The following LRRC53 variants were observed in gnomAD, a reference collection of about 807,000 sequenced individuals.
LRRC53 encodes leucine rich repeat containing 53.
LRRC53 carries 25 observed loss-of-function variants against 13.6 expected under a neutral mutation model. The ratio of observed to expected loss-of-function variants is 1.83; its 90% confidence interval spans 1.34 to 2.56. The LOEUF (loss-of-function observed/expected upper bound fraction) is 2.56, where lower values mean the gene tolerates loss of function less well. Ranked by LOEUF, LRRC53 falls within the 30% of genes most tolerant of loss-of-function variation. The probability of loss-of-function intolerance (pLI) is 0.00; values close to 1 mark genes in which losing one functional copy is unlikely to be tolerated. For missense variants in LRRC53, 527 were observed against 275.8 expected (o/e 1.91, Z -6.45); for synonymous variants, 204 against 109.8 (o/e 1.86, Z -5.37).
chr1:74,511,490 G>A (rs1218474425), intron 1 of LRRC53, among the ~76,000 whole-genome samples: 2 of 152,104 alleles, frequency 1.3e-5, no homozygotes, highest in Non-Finnish European at 2.9e-5. Context: ...CTTACAGGTG[G>A]AAAACACAAA....
At chr1:74,491,945 T>C (rs45510492) in intron 1 of LRRC53, 14 of 1,219,786 alleles carry the variant, frequency 1.1e-5, no homozygotes, top group Admixed American at 2.6e-5. Flanking sequence ...GCCACTAGAC[T>C]TTTTCCTGAA....
upstream of LRRC53, among the ~76,000 whole-genome samples, chr1:74,515,037 C>T (rs1646329286): frequency 6.6e-6 from 1 of 152,158 alleles, no homozygotes; most frequent in Non-Finnish European, 1.5e-5. Flanking sequence ...ATATAAGGAT[C>T]GTAGCCCTCA....
chr1:74,471,919 G>C lies in LRRC53; in HGVS notation c.1703C>G (p.Pro568Arg). Residue 568 changes from proline (P) to arginine (R), a missense_variant, in exon 5 of 5, where the codon CCA becomes CGA. Transcript: ENST00000294635. ...LKQSKPRYFQ[P>R]NNSLICKYVP... The stretch of plus-strand genomic sequence containing the variant: ...ATATTTACAGATAAGAGAATTGTTT[G>C]GCTGAAAATACCTAGGTTTGCTCTG... The C allele has an allele frequency of 2.0e-6, 1 of 495,368 alleles. No individual in the cohort carries two copies. The highest frequency in any genetic ancestry group is 3.6e-6 in the Non-Finnish European group (1 of 278,936). 30.7% of individuals were successfully genotyped at this position (495,368 alleles called of 1,614,324 possible).
At chr1:74,486,729 G>A (rs1366583280) in intron 1 of LRRC53, among the ~76,000 whole-genome samples, 3 of 151,720 alleles carry the variant, frequency 2.0e-5, no homozygotes, top group Non-Finnish European at 4.4e-5. Context: ...TGAGTCTTGG[G>A]GCAATAAAAA....
upstream of LRRC53, among the ~76,000 whole-genome samples, chr1:74,514,179 A>C (rs1164604414): frequency 1.3e-5 from 2 of 152,214 alleles, no homozygotes; most frequent in Admixed American, 6.5e-5. Context: ...AAGCCAGATC[A>C]TTTATGTCCT....
chr1:74,493,392 A>G (rs1047854816), intron 1 of LRRC53, among the ~76,000 whole-genome samples: 3 of 152,236 alleles, frequency 2.0e-5, no homozygotes, highest in Non-Finnish European at 4.4e-5. Context: ...AGAAGCAAAA[A>G]CAAAAAGATT....
the LRRC53 span, among the ~76,000 whole-genome samples, chr1:74,524,586 G>A: frequency 7.2e-5 from 11 of 152,114 alleles, no homozygotes; most frequent in Non-Finnish European, 1.2e-4. Flanking sequence ...TTGGTTCTAA[G>A]AGCAATGGGC....
Position 74,489,191 on chromosome 1 carries a change from A to G in LRRC53, c.-26-5816T>C, listed in dbSNP as rs200208779. ...AAAGTTCTTTTTTCTATTTACAGGG[A>G]AGACCCGAATTTTCTGAAGTTGTCA... On this transcript the variant is annotated intron_variant, in intron 1 of 4. Transcript: ENST00000294635. 4.3e-5 allele frequency: 69 copies of G among 1,610,756 alleles called. No homozygotes were observed. The highest frequency in any genetic ancestry group is 5.6e-5 in the Non-Finnish European group (66 of 1,178,654).
chr1:74,470,631 T>A lies in LRRC53; in HGVS notation c.2991A>T (p.Lys997Asn), dbSNP rs546580011. ...MDKEENDVEKKLSKTETYDSS... is the reference protein window; with the variant it reads ...MDKEENDVEKNLSKTETYDSS... ...AATCATAAGTTTCTGTTTTTGAAAG[T>A]TTTTTTTCTACATCATTTTCTTCCT... The change falls in exon 5 of 5, where the codon AAA (lysine) becomes AAT (asparagine). Residue 997 changes from lysine to asparagine, a missense_variant. Transcript: ENST00000294635. The A allele has an allele frequency of 3.0e-5, 12 of 400,582 alleles. No individual in the cohort carries two copies. The South Asian group carries it at 8.8e-4, about 29-fold the overall frequency. 24.8% of individuals were successfully genotyped at this position (400,582 alleles called of 1,614,324 possible).
chr1:74,500,420 G>A (rs902087565), intron 1 of LRRC53, among the ~76,000 whole-genome samples: 1 of 151,210 alleles, frequency 6.6e-6, no homozygotes, highest in Non-Finnish European at 1.5e-5. Context: ...GCTAAAAAAC[G>A]GTGAAACCCC....
At chr1:74,501,507 T>TG (rs1669630018) in intron 1 of LRRC53, among the ~76,000 whole-genome samples, 1 of 149,512 alleles carries the variant, frequency 6.7e-6, no homozygotes, top group South Asian at 2.1e-4. Flanking sequence ...TTTGTTTGTT[T>TG]TTTGAGACTG....
intron 1 of LRRC53, 29 bp from the exon 2 acceptor site, chr1:74,483,404 T>C (rs1668599478): frequency 2.8e-6 from 2 of 712,996 alleles, no homozygotes; most frequent in Non-Finnish European, 2.6e-6. Context: ...GCAATGTATA[T>C]CATAATGTTG....
chr1:74,518,873 C>CTTTTTTTTTTTTTTTTTTTTTTTTTT, the LRRC53 span, among the ~76,000 whole-genome samples: 1 of 100,358 alleles, frequency 1.0e-5, no homozygotes, highest in Non-Finnish European at 1.8e-5. Flanking sequence ...TTTTTTTTCC[C>CTTTTTTTTTTTTTTTTTTTTTTTTTT]CTTTTTTTTT....
rs182591501 is a variant in LRRC53, at chr1:74,472,000, T to C, written c.1622A>G (p.Gln541Arg). Residue 541 changes from glutamine to arginine, a missense_variant, in exon 5 of 5, where the codon CAA becomes CGA. Coordinates refer to ENST00000294635, the MANE Select transcript of LRRC53 (RefSeq NM_001382280.1). ...KPCEPEEHYV[Q>R]KIVQKNRSKY... ...TGATCTATTTTTTTGTACGATCTTT[T>C]GTACATAGTGTTCCTCAGGCTCACA... The C allele has an allele frequency of 7.5e-6, 5 of 664,682 alleles. No homozygotes were observed. In the African/African-American group the frequency reaches 9.1e-5, roughly 12 times the overall value. 41.2% of individuals were successfully genotyped at this position (664,682 alleles called of 1,614,324 possible).
intron 4 of LRRC53, among the ~76,000 whole-genome samples, chr1:74,474,418 C>A (rs1215417390): frequency 6.6e-6 from 1 of 152,098 alleles, no homozygotes; most frequent in East Asian, 1.9e-4. Context: ...TACCTTATAA[C>A]ATACGTGAAA....
At chr1:74,497,980 G>A (rs548209151) in intron 1 of LRRC53, among the ~76,000 whole-genome samples, 1 of 152,038 alleles carries the variant, frequency 6.6e-6, no homozygotes, top group Non-Finnish European at 1.5e-5. Flanking sequence ...ACTGTGGGAG[G>A]CTTTTTTGTT....
At chr1:74,479,777 G>C (rs368983293) in intron 3 of LRRC53, among the ~76,000 whole-genome samples, 2 of 152,286 alleles carry the variant, frequency 1.3e-5, no homozygotes, top group South Asian at 4.1e-4. Flanking sequence ...CTATCTCCTA[G>C]TGTCATAACA....
Position 74,498,733 on chromosome 1 carries a change from C to T in LRRC53, c.-27+13793G>A, listed in dbSNP as rs192601616. Among the ~76,000 whole-genome samples the T allele has an allele frequency of 3.2e-3, 485 of 152,008 alleles. 1 individual carries two copies. The highest frequency in any genetic ancestry group is 0.01 in the African/African-American group (421 of 41,430). On this transcript the variant is annotated intron_variant, in intron 1 of 4. Transcript: ENST00000294635. ...TCCACTACTTTTCCAGTCTTCCCCC[C>T]GACTATTAGCACACTAAATGTCAAT...
intron 1 of LRRC53, among the ~76,000 whole-genome samples, chr1:74,487,719 T>C (rs765630609): frequency 6.6e-6 from 1 of 152,116 alleles, no homozygotes; most frequent in Non-Finnish European, 1.5e-5. Flanking sequence ...GGTAGGTAGG[T>C]AGAAAGAAGA....
Sources: gnomAD v4.1 joint callset for allele counts (sites outside exome capture counted in the v4.1 genomes callset) on GRCh38, gnomAD v4.1.1 for gene constraint, MANE v1.5 for transcripts, NCBI Gene and HGNC (gene_info 2026-07-23, HGNC 2026-07-21) for gene names.